Variants in REV3L observed in about 807,000 individuals in gnomAD.
REV3L encodes the protein REV3 like, DNA directed polymerase zeta catalytic subunit.
A neutral mutation model predicts 299.4 loss-of-function variants in REV3L; 69 were observed. That is an observed-to-expected ratio of 0.23 (90% CI 0.19 to 0.28). The LOEUF is 0.28. Among genes scored for constraint, REV3L ranks in the 10% least tolerant of loss-of-function variants. The probability of loss-of-function intolerance (pLI) is 1.00; values close to 1 mark genes in which losing one functional copy is unlikely to be tolerated. For synonymous variants in REV3L, 1,238 were observed against 1,271.4 expected (o/e 0.97, Z 0.56); for missense variants, 3,128 against 3,693.8 (o/e 0.85, Z 3.97).
chr6:111,462,642 A>T (rs1291103050), intron 1 of REV3L, among the ~76,000 whole-genome samples: 1 of 152,170 alleles, frequency 6.6e-6, no homozygotes, highest in Non-Finnish European at 1.5e-5. Context: ...TTTAAAACTT[A>T]AGTCTGACAA....
Position 111,373,291 on chromosome 6 carries a change from T to A in REV3L, c.5064A>T (p.Gly1688=). The change falls in exon 13 of 32, where the codon GGA becomes GGT. Residue 1688 remains glycine (G), a synonymous_variant. Coordinates refer to ENST00000368802, the MANE Select transcript of REV3L (RefSeq NM_001372078.1). Reference sequence around the variant, plus strand: ...AAAACTCATTTTTTTCTATAGCTTGTCCTGGAAAAAGATCCTGAACAGCAT... The same window carrying A: ...AAAACTCATTTTTTTCTATAGCTTGACCTGGAAAAAGATCCTGAACAGCAT... ...LSDAVQDLFP[G]QAIEKNEFLS... 6.2e-7 allele frequency: 1 copy of A among 1,614,064 alleles called. No individual in the cohort carries two copies. The highest frequency in any genetic ancestry group is 8.5e-7 in the Non-Finnish European group (1 of 1,179,994).
At chr6:111,478,040 AATATAC>A (rs1219109508) in intron 1 of REV3L, among the ~76,000 whole-genome samples, 1 of 152,226 alleles carries the variant, frequency 6.6e-6, no homozygotes, top group African/African-American at 2.4e-5. Flanking sequence ...CAAGGATTCT[AATATAC>A]ATTGCCAAAC....
intron 4 of REV3L, among the ~76,000 whole-genome samples, chr6:111,395,082 C>T (rs1253363485): frequency 1.3e-5 from 2 of 152,112 alleles, no homozygotes; most frequent in Admixed American, 6.6e-5. Flanking sequence ...CATTTTTATA[C>T]CAACATCATG....
intron 2 of REV3L, among the ~76,000 whole-genome samples, chr6:111,415,037 A>C (rs1784609453): frequency 6.6e-6 from 1 of 152,158 alleles, no homozygotes; most frequent in African/African-American, 2.4e-5. Flanking sequence ...CAGTTGCTTA[A>C]GTAATCCTTT....
intron 18 of REV3L, among the ~76,000 whole-genome samples, chr6:111,353,480 A>G (rs1777781580): frequency 6.6e-6 from 1 of 152,200 alleles, no homozygotes; most frequent in Admixed American, 6.5e-5. Flanking sequence ...AGGCCCTATG[A>G]AAGTACATTC....
At chr6:111,446,135 A>G (rs769753166) in intron 1 of REV3L, among the ~76,000 whole-genome samples, 12 of 152,206 alleles carry the variant, frequency 7.9e-5, no homozygotes, top group Admixed American at 7.9e-4. Context: ...GTTAAGTCTC[A>G]TTTTAACAAT....
intron 4 of REV3L, among the ~76,000 whole-genome samples, chr6:111,404,821 G>A (rs893484218): frequency 1.3e-5 from 2 of 152,232 alleles, no homozygotes; most frequent in South Asian, 2.1e-4. Flanking sequence ...AGAAAGCTCT[G>A]CCTGCAATAT....
chr6:111,411,953 G>A (rs1175543415), intron 2 of REV3L: 1 of 984,332 alleles, frequency 1.0e-6, no homozygotes. Context: ...CCACATATGA[G>A]AGAAACAGAC....
At chr6:111,480,838 G>A (rs949678908) in intron 1 of REV3L, among the ~76,000 whole-genome samples, 1 of 109,046 alleles carries the variant, frequency 9.2e-6, no homozygotes, top group Non-Finnish European at 2.0e-5. Context: ...TTTCGTTTTT[G>A]TTTTTTTTTT....
chr6:111,333,232 A>G lies in REV3L; in HGVS notation c.7816T>C (p.Tyr2606His). The G allele has an allele frequency of 6.2e-7, 1 of 1,614,180 alleles. No homozygotes were observed. Among genetic ancestry groups the G allele is most frequent in the Non-Finnish European group, 8.5e-7 (1 of 1,180,016 alleles). Residue 2606 changes from tyrosine (Y) to histidine (H), a missense_variant, in exon 23 of 32, where the codon TAT becomes CAT. Around this residue, in one of 9 missense-constraint regions of REV3L, gnomAD observed 149 missense variants for 286.4 expected, o/e 0.52. Transcript: ENST00000368802. Reference protein sequence around the residue: ...PLIMEPESRFYSNSVLVLDFQ... With the variant: ...PLIMEPESRFHSNSVLVLDFQ... ...TCCAAAACGAGAACAGAGTTGCTAT[A>G]GAAGCGGGATTCAGGCTCCATAATT... is the stretch of plus-strand genomic sequence containing the variant.
intron 2 of REV3L, among the ~76,000 whole-genome samples, chr6:111,415,497 C>G (rs1343608952): frequency 6.6e-6 from 1 of 152,080 alleles, no homozygotes; most frequent in Non-Finnish European, 1.5e-5. Flanking sequence ...ATTTGGAGAT[C>G]TGAGAGGTAT....
intron 1 of REV3L, among the ~76,000 whole-genome samples, chr6:111,455,596 T>G (rs1790072360): frequency 1.3e-5 from 2 of 152,132 alleles, no homozygotes; most frequent in African/African-American, 4.8e-5. Flanking sequence ...GAGGCTATTA[T>G]GATGATCCAT....
chr6:111,440,158 C>T (rs1788087383), intron 1 of REV3L, among the ~76,000 whole-genome samples: 2 of 152,140 alleles, frequency 1.3e-5, no homozygotes, highest in South Asian at 2.1e-4. Flanking sequence ...CCACCGCCTC[C>T]GGGGTTCAAG....
Position 111,376,744 on chromosome 6 carries a change from G to T in REV3L, c.1611C>A (p.Asn537Lys). The change falls in exon 13 of 32, where the codon AAC becomes AAA. Residue 537 changes from asparagine to lysine, a missense_variant. Asn to Lys is a moderately conservative substitution (Grantham distance 94, BLOSUM62 0). Transcript: ENST00000368802. ...AAGAGTGGGTTCTAGAATTTTCATT[G>T]TTCAATGGATTGTCTGAAATGAGGA... The part of the protein sequence containing the change: ...TADENSDNPL[N>K]NENSRTHSSV... 1 of 1,580,496 alleles carries T rather than the reference G, an allele frequency of 6.3e-7. No homozygotes were observed. The highest frequency in any genetic ancestry group is 8.5e-7 in the Non-Finnish European group (1 of 1,172,138).
Position 111,389,153 on chromosome 6 carries a change from C to A in REV3L, c.815G>T (p.Arg272Leu). 1.2e-6 allele frequency: 2 copies of A among 1,613,926 alleles called. No homozygotes were observed. Among genetic ancestry groups the A allele is most frequent in the Non-Finnish European group, 1.7e-6 (2 of 1,179,892 alleles). ...QAIWEDEKQR[R>L]RNRNETSQMS... ...TTGAGAAGTTTCATTTCTGTTTCTT[C>A]GCCGTTGCTTTTCATCTTCCCATAT... Residue 272 changes from arginine (R) to leucine (L), a missense_variant, in exon 7 of 32, where the codon CGA (arginine) becomes CTA (leucine). Coordinates refer to ENST00000368802, the MANE Select transcript of REV3L (RefSeq NM_001372078.1).
chr6:111,374,830 C>CT lies in REV3L; in HGVS notation c.3524dup (p.Lys1176GlufsTer8). ...GATTAGCAAGCTTTGCTTTTGATTT[C>CT]TTAATCTGTGCTCTTGCGCGACTAG... On this transcript the variant is annotated frameshift_variant, in exon 13 of 32. Coordinates refer to ENST00000368802, the MANE Select transcript of REV3L (RefSeq NM_001372078.1). LOFTEE classifies it high-confidence loss of function. 6.2e-7 allele frequency: 1 copy of CT among 1,613,556 alleles called. No homozygotes were observed. Among genetic ancestry groups the CT allele is most frequent in the Non-Finnish European group, 8.5e-7 (1 of 1,179,850 alleles).
chr6:111,396,278 C>G (rs944797441), intron 4 of REV3L, among the ~76,000 whole-genome samples: 1 of 152,084 alleles, frequency 6.6e-6, no homozygotes, highest in Non-Finnish European at 1.5e-5. Flanking sequence ...CTACCCACTT[C>G]AGCCTTCCAA....
At chr6:111,476,542 C>A (rs1792963860) in intron 1 of REV3L, among the ~76,000 whole-genome samples, 1 of 152,120 alleles carries the variant, frequency 6.6e-6, no homozygotes, top group South Asian at 2.1e-4. Context: ...CAAAACATTT[C>A]AGATTTTGAA....
intron 1 of REV3L, among the ~76,000 whole-genome samples, chr6:111,447,165 A>G (rs1788961980): frequency 6.6e-6 from 1 of 152,222 alleles, no homozygotes; most frequent in South Asian, 2.1e-4. Flanking sequence ...CTAAAATTAC[A>G]GAATACACCT....
Sources: gnomAD v4.1 joint callset for allele counts (sites outside exome capture counted in the v4.1 genomes callset) on GRCh38, gnomAD v4.1.1 for gene constraint, gnomAD v4.1.1 regional missense constraint, MANE v1.5 for transcripts, NCBI Gene and HGNC (gene_info 2026-07-23, HGNC 2026-07-21) for gene names.